NEIL3: variants seen among roughly 807,000 people sequenced by gnomAD.
NEIL3 encodes nei like DNA glycosylase 3.
NEIL3 carries 48 observed loss-of-function variants against 57.5 expected under a neutral mutation model. The observed-to-expected ratio is 0.83, with a 90% CI of 0.66 to 1.06. The LOEUF (loss-of-function observed/expected upper bound fraction) is 1.06, where lower values mean the gene tolerates loss of function less well. Among genes scored for constraint, NEIL3 ranks in the 50% least tolerant of loss-of-function variants. The pLI, the probability that NEIL3 is intolerant of heterozygous loss-of-function variation, is 0.00. For synonymous variants in NEIL3, 261 were observed against 253.2 expected (o/e 1.03, Z -0.29); for missense variants, 717 against 739.1 (o/e 0.97, Z 0.35).
chr4:177,331,544 G>A (rs1294132801), intron 2 of NEIL3, among the ~76,000 whole-genome samples: 1 of 151,944 alleles, frequency 6.6e-6, no homozygotes, highest in East Asian at 1.9e-4. Flanking sequence ...TCATAGATAT[G>A]ACATCTGGTG....
At chr4:177,360,458 C>T (rs2110943640) in intron 8 of NEIL3, 45 bp from the exon 9 acceptor site, 2 of 1,480,842 alleles carry the variant, frequency 1.4e-6, no homozygotes, top group Middle Eastern at 1.8e-4. Context: ...TGAATGGTCC[C>T]TTAGCACTCC....
intron 8 of NEIL3, among the ~76,000 whole-genome samples, chr4:177,357,421 C>G (rs1205075473): frequency 6.7e-6 from 1 of 148,690 alleles, no homozygotes; most frequent in South Asian, 2.2e-4. Flanking sequence ...TATGTGTGGC[C>G]CAAGACAATT....
In NEIL3 at chr4:177,341,627, A is replaced by G. The variant is rs1325471202; in HGVS notation, c.854A>G (p.Gln285Arg). 6.2e-7 allele frequency: 1 copy of G among 1,613,116 alleles called. No individual in the cohort carries two copies. Among genetic ancestry groups the G allele is most frequent in the Non-Finnish European group, 8.5e-7 (1 of 1,179,634 alleles). Residue 285 changes from glutamine (Q) to arginine (R), a missense_variant, in exon 6 of 10, where the codon CAA becomes CGA. Coordinates refer to ENST00000264596, the MANE Select transcript of NEIL3 (RefSeq NM_018248.3). ...CCTCACTGTCAAAAAGAAAATCCTC[A>G]ACATGTTGACATATGGTAAGATATT... The part of the protein sequence containing the change: ...FCPHCQKENP[Q>R]HVDICKLPTR...
chr4:177,362,292 G>T lies in NEIL3; in HGVS notation c.1639G>T (p.Ala547Ser), dbSNP rs36005630. 4.7e-3 allele frequency: 7,551 copies of T among 1,594,906 alleles called. 25 individuals carry two copies. The highest frequency in any genetic ancestry group is 5.9e-3 in the Non-Finnish European group (6,943 of 1,172,350). Reference sequence around the variant, plus strand: ...AATTTACCTTTTTTTCCTGCAGTGGGCAGATTTGTCCTTCCCATTCTGCAA... The same window carrying T: ...AATTTACCTTTTTTTCCTGCAGTGGTCAGATTTGTCCTTCCCATTCTGCAA... Reference protein sequence around the residue: ...REAQCGFFEWADLSFPFCNHG... With the variant: ...REAQCGFFEWSDLSFPFCNHG... Residue 547 changes from alanine to serine, a missense_variant, in exon 10 of 10, where the codon GCA (alanine) becomes TCA (serine). Coordinates refer to ENST00000264596, the MANE Select transcript of NEIL3 (RefSeq NM_018248.3).
intron 2 of NEIL3, among the ~76,000 whole-genome samples, chr4:177,323,721 C>A (rs377351828): frequency 6.6e-6 from 1 of 152,072 alleles, no homozygotes; most frequent in African/African-American, 2.4e-5. Flanking sequence ...GATCTATGCA[C>A]GATAGTTGAA....
At chr4:177,313,320 T>G (rs1037067745) in intron 1 of NEIL3, among the ~76,000 whole-genome samples, 2 of 152,196 alleles carry the variant, frequency 1.3e-5, no homozygotes, top group African/African-American at 4.8e-5. Flanking sequence ...ATAAAGTTTA[T>G]AGAGAACACA....
chr4:177,360,564 A>G lies in NEIL3; in HGVS notation c.1522A>G (p.Ser508Gly), dbSNP rs1735587487. 1.2e-6 allele frequency: 2 copies of G among 1,614,164 alleles called. No homozygotes were observed. The highest frequency in any genetic ancestry group is 1.7e-6 in the Non-Finnish European group (2 of 1,179,986). The change falls in exon 9 of 10, where the codon AGT (serine) becomes GGT (glycine). Residue 508 changes from serine to glycine, a missense_variant. Ser to Gly is a moderately conservative substitution (Grantham distance 56). Transcript: ENST00000264596. ...CTTAAATCCTGACAGCCCTCGCTGC[A>G]GTAAACACAACCGCCTCTGCATTCT... Reference protein sequence around the residue: ...RTLNPDSPRCSKHNRLCILRV... With the variant: ...RTLNPDSPRCGKHNRLCILRV...
At chr4:177,322,901 T>C (rs1022813847) in intron 2 of NEIL3, among the ~76,000 whole-genome samples, 1 of 152,208 alleles carries the variant, frequency 6.6e-6, no homozygotes, top group African/African-American at 2.4e-5. Context: ...TTGTATTCAG[T>C]GACATCGGTT....
intron 1 of NEIL3, among the ~76,000 whole-genome samples, chr4:177,312,017 G>A (rs1371527854): frequency 1.3e-5 from 2 of 152,164 alleles, no homozygotes; most frequent in Non-Finnish European, 2.9e-5. Flanking sequence ...TGCTGTGAGA[G>A]TCCAACCTAA....
Position 177,315,963 on chromosome 4 carries a change from C to T in NEIL3, c.156+5854C>T, listed in dbSNP as rs192165662. 1.1e-3 allele frequency among the ~76,000 whole-genome samples: 173 copies of T among 152,280 alleles called. 1 individual carries two copies. The highest frequency in any genetic ancestry group is 0.01 in the Middle Eastern group (3 of 294). On this transcript the variant is annotated intron_variant, in intron 1 of 9. Coordinates refer to ENST00000264596, the MANE Select transcript of NEIL3 (RefSeq NM_018248.3). ...ACCAAAATTAAGCACAGTAGTACCA[C>T]CTGTCCACAGAAGGTGCATTTAAAG... is the stretch of plus-strand genomic sequence containing the variant.
intron 2 of NEIL3, among the ~76,000 whole-genome samples, chr4:177,329,836 G>A (rs561532336): frequency 1.3e-5 from 2 of 152,172 alleles, no homozygotes; most frequent in African/African-American, 2.4e-5. Flanking sequence ...AAATTTAAAA[G>A]TATTGATATC....
At chr4:177,322,369 G>A in intron 1 of NEIL3, 90 bp from the exon 2 acceptor site, 2 of 1,537,094 alleles carry the variant, frequency 1.3e-6, no homozygotes, top group Non-Finnish European at 1.8e-6. Context: ...TGGGCGTGAA[G>A]TAATATAAAC....
At chr4:177,321,934 A>G (rs1286749196) in intron 1 of NEIL3, among the ~76,000 whole-genome samples, 1 of 151,870 alleles carries the variant, frequency 6.6e-6, no homozygotes, top group African/African-American at 2.4e-5. Context: ...TCTCCCTACT[A>G]CCTCTCAGGG....
At chr4:177,321,421 TTTAAA>T (rs1335190927) in intron 1 of NEIL3, among the ~76,000 whole-genome samples, 1 of 152,058 alleles carries the variant, frequency 6.6e-6, no homozygotes, top group Non-Finnish European at 1.5e-5. Context: ...ACATTTTGAG[TTTAAA>T]TTAAATAATG....
chr4:177,347,995 G>T (rs1735258600), intron 6 of NEIL3, among the ~76,000 whole-genome samples: 1 of 152,032 alleles, frequency 6.6e-6, no homozygotes, highest in South Asian at 2.1e-4. Flanking sequence ...TTTTATTACG[G>T]CTAGATGAGA....
chr4:177,320,462 C>CTT (rs1560908362), intron 1 of NEIL3, among the ~76,000 whole-genome samples: 1 of 110,694 alleles, frequency 9.0e-6, no homozygotes. Flanking sequence ...GAAGTGACTG[C>CTT]TGTCTTTTTT....
chr4:177,318,850 C>T (rs1346940236), intron 1 of NEIL3, among the ~76,000 whole-genome samples: 1 of 152,162 alleles, frequency 6.6e-6, no homozygotes, highest in Non-Finnish European at 1.5e-5. Context: ...TCCACGAGGG[C>T]AGCTGGTTTT....
chr4:177,357,753 G>A (rs1014264924), intron 8 of NEIL3, among the ~76,000 whole-genome samples: 1 of 152,078 alleles, frequency 6.6e-6, no homozygotes, highest in African/African-American at 2.4e-5. Flanking sequence ...ATCTATGGCT[G>A]CTTTTTGTGA....
At chr4:177,354,626 C>A (rs1735435982) in intron 8 of NEIL3, among the ~76,000 whole-genome samples, 1 of 152,200 alleles carries the variant, frequency 6.6e-6, no homozygotes, top group South Asian at 2.1e-4. Context: ...TCTTGCCTCA[C>A]TGCAACAACA....
Sources: gnomAD v4.1 joint callset for allele counts (sites outside exome capture counted in the v4.1 genomes callset) on GRCh38, gnomAD v4.1.1 for gene constraint, MANE v1.5 for transcripts, NCBI Gene and HGNC (gene_info 2026-07-23, HGNC 2026-07-21) for gene names.